Variants in SCAPER observed in about 807,000 individuals in gnomAD.
SCAPER encodes S phase cyclin A-associated protein in the endoplasmic reticulum.
Under a neutral mutation model 182.2 loss-of-function variants are expected in SCAPER, and 98 were observed. The observed-to-expected ratio is 0.54, with a 90% CI of 0.46 to 0.64. The LOEUF (loss-of-function observed/expected upper bound fraction) is 0.64. Among genes scored for constraint, SCAPER ranks in the 30% least tolerant of loss-of-function variants. The pLI, the probability that SCAPER is intolerant of heterozygous loss-of-function variation, is 0.00. For synonymous variants in SCAPER, 605 were observed against 564.6 expected (o/e 1.07, Z -1.01); for missense variants, 1,432 against 1,690.0 (o/e 0.85, Z 2.68).
chr15:76,392,840 C>G (rs1018908550), intron 27 of SCAPER, among the ~76,000 whole-genome samples: 21 of 152,188 alleles, frequency 1.4e-4, no homozygotes, highest in Non-Finnish European at 2.9e-4. Flanking sequence ...CCTTCTCAGT[C>G]TCCTAGAGCC....
At chr15:76,377,295 C>G (rs1205287661) in intron 28 of SCAPER, among the ~76,000 whole-genome samples, 1 of 152,126 alleles carries the variant, frequency 6.6e-6, no homozygotes, top group South Asian at 2.1e-4. Context: ...TTGTCTGTTT[C>G]ACAGCCCCAA....
chr15:76,367,059 G>T (rs189659925), intron 29 of SCAPER, among the ~76,000 whole-genome samples: 60 of 152,286 alleles, frequency 3.9e-4, no homozygotes, highest in African/African-American at 1.3e-3. Flanking sequence ...CAGCTGGTCT[G>T]GCCATGACTT....
At chr15:76,456,614 G>A (rs1403575152) in intron 25 of SCAPER, among the ~76,000 whole-genome samples, 1 of 152,170 alleles carries the variant, frequency 6.6e-6, no homozygotes, top group Non-Finnish European at 1.5e-5. Context: ...CAAAGTGGTT[G>A]ATAATGGTAT....
chr15:76,353,579 C>A (rs1208576675), intron 30 of SCAPER, among the ~76,000 whole-genome samples: 1 of 152,028 alleles, frequency 6.6e-6, no homozygotes, highest in Non-Finnish European at 1.5e-5. Flanking sequence ...AATTTTAATT[C>A]ATCTTTCTTC....
intron 23 of SCAPER, among the ~76,000 whole-genome samples, chr15:76,516,158 C>T (rs967669729): frequency 6.6e-6 from 1 of 151,560 alleles, no homozygotes; most frequent in Non-Finnish European, 1.5e-5. Flanking sequence ...AAAGTAGTGA[C>T]CCAGAACTCA....
At chr15:76,626,919 A>T (rs2052635228) in intron 21 of SCAPER, among the ~76,000 whole-genome samples, 1 of 152,248 alleles carries the variant, frequency 6.6e-6, no homozygotes, top group Admixed American at 6.5e-5. Context: ...AATACAAGTT[A>T]TGCTTAGAAC....
chr15:76,685,425 AG>A (rs2057982738), intron 20 of SCAPER, among the ~76,000 whole-genome samples: 1 of 152,114 alleles, frequency 6.6e-6, no homozygotes, highest in Non-Finnish European at 1.5e-5. Context: ...TCTACAGACA[AG>A]TTACTGGAAA....
At chr15:76,575,551 G>C (rs1047024743) in intron 22 of SCAPER, among the ~76,000 whole-genome samples, 6 of 152,112 alleles carry the variant, frequency 3.9e-5, no homozygotes, top group Admixed American at 6.5e-5. Context: ...TTCCAGACAG[G>C]ACTAATTTCA....
At chr15:76,887,622 C>T (rs555568713) in intron 1 of SCAPER, among the ~76,000 whole-genome samples, 3 of 152,280 alleles carry the variant, frequency 2.0e-5, no homozygotes, top group Admixed American at 2.0e-4. Context: ...ATTGCTGAGG[C>T]ATGAGTAGGT....
At chr15:76,607,533 C>G (rs2050547726) in intron 22 of SCAPER, among the ~76,000 whole-genome samples, 1 of 152,150 alleles carries the variant, frequency 6.6e-6, no homozygotes, top group East Asian at 1.9e-4. Flanking sequence ...TTGTGGCATT[C>G]TCTGTATTTC....
At chr15:76,678,690 G>A (rs1355485048) in intron 20 of SCAPER, among the ~76,000 whole-genome samples, 3 of 148,172 alleles carry the variant, frequency 2.0e-5, no homozygotes, top group Non-Finnish European at 4.5e-5. Flanking sequence ...GGAAAATTGG[G>A]AGAACAAGAC....
intron 23 of SCAPER, among the ~76,000 whole-genome samples, chr15:76,508,455 A>T (rs1175484027): frequency 1.3e-5 from 2 of 152,190 alleles, no homozygotes; most frequent in Non-Finnish European, 2.9e-5. Context: ...CAGAGTATGC[A>T]TAGGTTCAGT....
intron 14 of SCAPER, among the ~76,000 whole-genome samples, chr15:76,758,746 C>T (rs2062595705): frequency 6.6e-6 from 1 of 152,122 alleles, no homozygotes; most frequent in Non-Finnish European, 1.5e-5. Flanking sequence ...TTACTTGCTG[C>T]TTTAAATTTT....
Position 76,659,868 on chromosome 15 carries a change from T to C in SCAPER, c.2645+5785A>G, listed in dbSNP as rs533957963. The stretch of plus-strand genomic sequence containing the variant: ...TTCTCAAAGAACACAGAACAACCAT[T>C]TGACCCAGCAATTCCATTATTGGGT... On this transcript the variant is annotated intron_variant, in intron 21 of 31. Transcript: ENST00000563290. Among the ~76,000 whole-genome samples the C allele has an allele frequency of 5.4e-4, 83 of 152,312 alleles. 2 individuals carry two copies. In the South Asian group the frequency reaches 0.012, roughly 22 times the overall value.
intron 17 of SCAPER, among the ~76,000 whole-genome samples, chr15:76,715,627 G>C (rs1322225527): frequency 6.6e-6 from 1 of 151,992 alleles, no homozygotes; most frequent in African/African-American, 2.4e-5. Flanking sequence ...TACCAAGTCA[G>C]GGTCCCAAGT....
chr15:76,472,119 G>C, intron 24 of SCAPER: 1 of 368,888 alleles, frequency 2.7e-6, no homozygotes, highest in South Asian at 2.3e-5. Flanking sequence ...AAAAGCTGAA[G>C]GGGATGCTAC....
chr15:76,570,702 T>A (rs2047375855), intron 23 of SCAPER, among the ~76,000 whole-genome samples: 1 of 152,142 alleles, frequency 6.6e-6, no homozygotes, highest in Non-Finnish European at 1.5e-5. Context: ...CAGGCTTATC[T>A]TTTCCCTATG....
chr15:76,476,006 TC>T (rs1413247110), intron 24 of SCAPER, among the ~76,000 whole-genome samples: 1 of 152,100 alleles, frequency 6.6e-6, no homozygotes, highest in Non-Finnish European at 1.5e-5. Context: ...CCAGAGACAA[TC>T]CGAGCATGGA....
chr15:76,684,275 TA>T (rs34378800), intron 20 of SCAPER, among the ~76,000 whole-genome samples: 1 of 152,104 alleles, frequency 6.6e-6, no homozygotes, highest in South Asian at 2.1e-4. Context: ...GCAAGCTGGA[TA>T]AAAAAGCAAG....
Sources: allele counts gnomAD v4.1 joint callset (sites outside exome capture counted in the v4.1 genomes callset), GRCh38; gene constraint gnomAD v4.1.1; transcripts MANE v1.5; gene names NCBI Gene and HGNC (gene_info 2026-07-23, HGNC 2026-07-21).